SPAG16: variants seen among roughly 807,000 people sequenced by gnomAD.
SPAG16 encodes the protein sperm associated antigen 16.
In SPAG16, 86 loss-of-function variants were observed where a neutral mutation model predicts 80.4. That is an observed-to-expected ratio of 1.07 (90% CI 0.90 to 1.28). SPAG16 has a LOEUF of 1.28. Ranked by LOEUF, SPAG16 falls within the 50% of genes most tolerant of loss-of-function variation. The pLI is 0.00. For synonymous variants in SPAG16, 294 were observed against 265.9 expected (o/e 1.11, Z -1.03); for missense variants, 870 against 765.3 (o/e 1.14, Z -1.61).
chr2:213,462,754 C>G (rs1310529006), intron 9 of SPAG16, among the ~76,000 whole-genome samples: 1 of 152,200 alleles, frequency 6.6e-6, no homozygotes, highest in African/African-American at 2.4e-5. Flanking sequence ...TGATGTGAAA[C>G]TGTGAGTCAA....
In SPAG16 at chr2:213,767,460, G is replaced by A. The variant is rs566012003; in HGVS notation, c.1071-95025G>A. Among the ~76,000 whole-genome samples, 7 of 152,116 alleles carry A rather than the reference G, an allele frequency of 4.6e-5. 1 individual carries two copies. In the South Asian group the frequency reaches 1.5e-3, roughly 32 times the overall value. ...AAATGAGAGGATCACTTGAGCCCAG[G>A]AGTTCCAGGTCAACCTAGGCAACAT... On this transcript the variant is annotated intron_variant, in intron 10 of 15. Transcript: ENST00000331683.
At chr2:213,561,075 G>A (rs934429238) in intron 10 of SPAG16, among the ~76,000 whole-genome samples, 1 of 152,120 alleles carries the variant, frequency 6.6e-6, no homozygotes, top group Non-Finnish European at 1.5e-5. Flanking sequence ...TGTTGGCAAG[G>A]CTGGTCTCGA....
intron 15 of SPAG16, among the ~76,000 whole-genome samples, chr2:214,336,905 T>A: frequency 2.8e-5 from 1 of 35,628 alleles, no homozygotes. Context: ...TTTCTAACAG[T>A]ATAAAGACTA....
At position 213,290,296 on chromosome 2, in the gene SPAG16, G is replaced by A. The variant is rs944574701; in HGVS notation, c.136+5677G>A. On this transcript the variant is annotated intron_variant, in intron 1 of 15. Coordinates refer to ENST00000331683, the MANE Select transcript of SPAG16 (RefSeq NM_024532.5). ...AAATGCAGATTTGGGAGGAATGGGA[G>A]CCTCAGTCTGTGTCTAGGTTATGAC... Among the ~76,000 whole-genome samples, 6 of 152,296 alleles carry A rather than the reference G, an allele frequency of 3.9e-5. No individual in the cohort carries two copies. In the East Asian group the frequency reaches 7.7e-4, roughly 20 times the overall value.
intron 15 of SPAG16, among the ~76,000 whole-genome samples, chr2:214,290,194 G>A (rs1693688593): frequency 6.6e-6 from 1 of 152,038 alleles, no homozygotes; most frequent in South Asian, 2.1e-4. Flanking sequence ...AGGTTTTCCA[G>A]TATTTTAGCA....
At chr2:213,627,660 GAACTC>G (rs113942572) in intron 10 of SPAG16, among the ~76,000 whole-genome samples, 3,933 of 152,244 alleles carry the variant, frequency 0.026, 74 homozygotes, top group African/African-American at 0.046. Flanking sequence ...AAAAGAAAAG[GAACTC>G]AACAATTGAC....
intron 9 of SPAG16, among the ~76,000 whole-genome samples, chr2:213,385,612 T>C (rs2067386833): frequency 6.6e-6 from 1 of 152,144 alleles, no homozygotes; most frequent in South Asian, 2.1e-4. Flanking sequence ...GTGGGGAATA[T>C]ATTGTAAGAA....
intron 13 of SPAG16, among the ~76,000 whole-genome samples, chr2:214,066,472 A>G (rs1334986506): frequency 2.0e-5 from 3 of 152,152 alleles, no homozygotes; most frequent in Non-Finnish European, 2.9e-5. Context: ...ATAAAACTTT[A>G]CTTATACCTA....
chr2:213,904,744 G>A (rs1294964407), intron 11 of SPAG16, among the ~76,000 whole-genome samples: 1 of 152,044 alleles, frequency 6.6e-6, no homozygotes, highest in Non-Finnish European at 1.5e-5. Flanking sequence ...GGTTTTCTGG[G>A]AAAGAACATT....
intron 1 of SPAG16, among the ~76,000 whole-genome samples, chr2:213,290,505 C>T (rs1307770180): frequency 6.6e-6 from 1 of 152,098 alleles, no homozygotes; most frequent in Non-Finnish European, 1.5e-5. Context: ...GGGGAACAGA[C>T]AGGGCAGAAA....
chr2:214,164,695 C>T (rs553540456), intron 15 of SPAG16, among the ~76,000 whole-genome samples: 11 of 152,094 alleles, frequency 7.2e-5, no homozygotes, highest in Non-Finnish European at 1.5e-4. Context: ...AAGAGACCAA[C>T]ACATGCAACT....
chr2:214,056,482 A>T (rs932341508), intron 13 of SPAG16, among the ~76,000 whole-genome samples: 1 of 151,682 alleles, frequency 6.6e-6, no homozygotes, highest in Non-Finnish European at 1.5e-5. Flanking sequence ...CAATGAAATT[A>T]TTTTTTTAAA....
At chr2:213,872,020 GAACAA>G (rs2075974699) in intron 11 of SPAG16, among the ~76,000 whole-genome samples, 2 of 152,058 alleles carry the variant, frequency 1.3e-5, no homozygotes, top group African/African-American at 4.8e-5. Flanking sequence ...TCAGGACAAA[GAACAA>G]AACTTATGAA....
chr2:213,522,271 C>T (rs1288301271), intron 10 of SPAG16, among the ~76,000 whole-genome samples: 1 of 152,124 alleles, frequency 6.6e-6, no homozygotes, highest in African/African-American at 2.4e-5. Context: ...TTTCACTCTC[C>T]ATTATTCGAA....
At chr2:214,293,707 T>C (rs1296084012) in intron 15 of SPAG16, among the ~76,000 whole-genome samples, 2 of 152,182 alleles carry the variant, frequency 1.3e-5, no homozygotes, top group African/African-American at 4.8e-5. Flanking sequence ...TATGCACTGG[T>C]CCTGCAGTAG....
At chr2:213,986,509 C>CA (rs200753265) in intron 12 of SPAG16, among the ~76,000 whole-genome samples, 2,097 of 151,666 alleles carry the variant, frequency 0.014, 51 homozygotes, top group African/African-American at 0.048. Flanking sequence ...CTGAAATCCA[C>CA]AAAAAATAGT....
At chr2:214,351,715 C>CA (rs67714838) in intron 15 of SPAG16, among the ~76,000 whole-genome samples, 93,020 of 146,278 alleles carry the variant, frequency 0.64, 33,936 homozygotes, top group South Asian at 0.84. Flanking sequence ...AACAAACAAA[C>CA]AAACAAAAAA....
intron 3 of SPAG16, among the ~76,000 whole-genome samples, chr2:213,298,356 A>G (rs1489391511): frequency 6.6e-6 from 1 of 152,186 alleles, no homozygotes. Context: ...AATAATTTGT[A>G]GGAATAGTTT....
chr2:214,288,787 G>C (rs867668822), intron 15 of SPAG16, among the ~76,000 whole-genome samples: 1 of 6,624 alleles, frequency 1.5e-4, no homozygotes, highest in Non-Finnish European at 4.3e-4. Flanking sequence ...TTATTTATTT[G>C]AGACGTTGTC....
Sources: allele counts gnomAD v4.1 joint callset (sites outside exome capture counted in the v4.1 genomes callset), GRCh38; gene constraint gnomAD v4.1.1; transcripts MANE v1.5; gene names NCBI Gene and HGNC (gene_info 2026-07-23, HGNC 2026-07-21).